The following RHOBTB1 variants were observed in gnomAD, a reference collection of about 807,000 sequenced individuals.
RHOBTB1 encodes the protein Rho related BTB domain containing 1, also known as rho-related BTB domain-containing protein 1.
RHOBTB1 carries 40 observed loss-of-function variants against 71.6 expected under a neutral mutation model. The ratio of observed to expected loss-of-function variants is 0.56; its 90% CI spans 0.43 to 0.73. The LOEUF (loss-of-function observed/expected upper bound fraction) is 0.73. RHOBTB1 is among the 30% of genes least tolerant of loss of function. The pLI is 0.00. For synonymous variants in RHOBTB1, 319 were observed against 334.9 expected (o/e 0.95, Z 0.52); for missense variants, 797 against 894.0 (o/e 0.89, Z 1.38).
At position 60,954,526 on chromosome 10, in the gene RHOBTB1, T is replaced by C. The variant is rs1589412244; in HGVS notation, c.-61-12672A>G. Among the ~76,000 whole-genome samples the C allele has an allele frequency of 3.3e-5, 5 of 152,258 alleles. No homozygotes were observed. The East Asian group carries it at 9.7e-4, about 29-fold the overall frequency. On this transcript the variant is annotated intron_variant, in intron 2 of 11. Coordinates refer to the RHOBTB1 transcript ENST00000357917. ...TTGGGTTTAGGGTTGCCAGATAAAA[T>C]AGAGGACACCCCATTACATTCAAAT...
intron 2 of RHOBTB1, among the ~76,000 whole-genome samples, chr10:60,974,999 A>C (rs1281640992): frequency 6.6e-6 from 1 of 152,074 alleles, no homozygotes; most frequent in Non-Finnish European, 1.5e-5. Flanking sequence ...TGAGAGCTGT[A>C]TGATCTTAAA....
intron 2 of RHOBTB1, among the ~76,000 whole-genome samples, chr10:60,970,035 C>T (rs72813711): frequency 0.064 from 9,657 of 152,040 alleles, 386 homozygotes; most frequent in Middle Eastern, 0.12. Flanking sequence ...TGGGTAAAAT[C>T]ATTACTCAAA....
intron 2 of RHOBTB1, among the ~76,000 whole-genome samples, chr10:60,918,027 T>C (rs192995697): frequency 7.4e-4 from 113 of 152,340 alleles, no homozygotes; most frequent in Non-Finnish European, 1.5e-3. Context: ...CATGGAATGG[T>C]AGCTTGTGAA....
chr10:60,999,949 G>T (rs1049263500), intron 1 of RHOBTB1, among the ~76,000 whole-genome samples: 4 of 152,148 alleles, frequency 2.6e-5, no homozygotes, highest in African/African-American at 9.7e-5. Context: ...AGTTTCATAG[G>T]ATGTGAACTG....
At position 60,888,195 on chromosome 10, in the gene RHOBTB1, C is replaced by T. The variant is rs756950802; in HGVS notation, c.1456+17G>A. The T allele has an allele frequency of 1.2e-6, 2 of 1,602,818 alleles. No homozygotes were observed. The highest frequency in any genetic ancestry group is 2.2e-5 in the East Asian group (1 of 44,748). On this transcript the variant is annotated intron_variant, in intron 6 of 10. Transcript: ENST00000337910. ...ACAATCAAAGGTATTAATGGCTCTG[C>T]CCCGCGGCCCACTCACCCGAGAACG...
At chr10:60,986,433 A>ATATAT (rs35572813) in intron 1 of RHOBTB1, among the ~76,000 whole-genome samples, 1 of 136,402 alleles carries the variant, frequency 7.3e-6, no homozygotes, top group African/African-American at 2.8e-5. Context: ...ATATATATAA[A>ATATAT]ATATATATAG....
intron 2 of RHOBTB1, among the ~76,000 whole-genome samples, chr10:60,957,797 A>C (rs911525058): frequency 6.6e-6 from 1 of 152,204 alleles, no homozygotes; most frequent in South Asian, 2.1e-4. Flanking sequence ...CACACTGTTC[A>C]GTGCTTTTCC....
chr10:60,948,292 A>T (rs1204967857), upstream of RHOBTB1, among the ~76,000 whole-genome samples: 1 of 152,266 alleles, frequency 6.6e-6, no homozygotes, highest in African/African-American at 2.4e-5. Context: ...ATATTGTTCA[A>T]CATTTCTATT....
intron 7 of RHOBTB1, among the ~76,000 whole-genome samples, chr10:60,879,185 T>C (rs150950312): frequency 3.9e-5 from 6 of 152,276 alleles, no homozygotes; most frequent in Admixed American, 2.6e-4. Flanking sequence ...GGGAGTATGA[T>C]GCGAAAGTGT....
At chr10:60,892,437 G>T (rs77329134) in intron 5 of RHOBTB1, among the ~76,000 whole-genome samples, 1,650 of 152,300 alleles carry the variant, frequency 0.011, 27 homozygotes, top group African/African-American at 0.038. Flanking sequence ...CTGGGGCCCA[G>T]ATACCTCTAA....
the RHOBTB1 span, among the ~76,000 whole-genome samples, chr10:60,862,111 C>G: frequency 6.6e-6 from 1 of 151,476 alleles, no homozygotes; most frequent in African/African-American, 2.4e-5. Context: ...TTCCTTCCTT[C>G]CTCTCTTTCT....
chr10:60,886,044 C>T, intron 7 of RHOBTB1, 68 bp downstream of exon 7: 1 of 1,190,990 alleles, frequency 8.4e-7, no homozygotes, highest in Admixed American at 1.7e-5. Flanking sequence ...TGTTTACCCA[C>T]TTTATATAAA....
chr10:60,880,202 T>TGAGAGAGAGA (rs71018931), intron 7 of RHOBTB1, among the ~76,000 whole-genome samples: 8 of 127,010 alleles, frequency 6.3e-5, no homozygotes, highest in Non-Finnish European at 1.3e-4. Context: ...TGTGTGTGTG[T>TGAGAGAGAGA]GAGAGAGAGA....
chr10:60,863,844 T>C, the RHOBTB1 span, among the ~76,000 whole-genome samples: 11 of 152,330 alleles, frequency 7.2e-5, no homozygotes, highest in African/African-American at 2.6e-4. Context: ...TGCATCCTTT[T>C]AAACTTGTCT....
chr10:60,925,300 T>A (rs1409348287), intron 2 of RHOBTB1, among the ~76,000 whole-genome samples: 1 of 152,184 alleles, frequency 6.6e-6, no homozygotes, highest in African/African-American at 2.4e-5. Flanking sequence ...TTTATAGCAA[T>A]GCAAGAAAAG....
intron 2 of RHOBTB1, among the ~76,000 whole-genome samples, chr10:60,924,272 C>T (rs76042637): frequency 0.013 from 2,011 of 151,352 alleles, 48 homozygotes; most frequent in African/African-American, 0.046. Context: ...TATTTGAAGA[C>T]GATTTTAAAA....
intron 2 of RHOBTB1, among the ~76,000 whole-genome samples, chr10:60,976,775 A>C (rs956992851): frequency 6.6e-6 from 1 of 152,178 alleles, no homozygotes; most frequent in African/African-American, 2.4e-5. Context: ...AATTCACATC[A>C]GAGCACTTTC....
intron 7 of RHOBTB1, among the ~76,000 whole-genome samples, chr10:60,882,536 G>A (rs2081373283): frequency 1.3e-5 from 2 of 151,992 alleles, no homozygotes; most frequent in Admixed American, 1.3e-4. Flanking sequence ...TAAAATCATT[G>A]GACATAGGCA....
chr10:60,931,272 G>A (rs943917711), intron 2 of RHOBTB1, among the ~76,000 whole-genome samples: 2 of 152,062 alleles, frequency 1.3e-5, no homozygotes, highest in African/African-American at 2.4e-5. Flanking sequence ...CCATTCCTGC[G>A]ATCTAATTCC....
Sources: gnomAD v4.1 joint callset for allele counts (sites outside exome capture counted in the v4.1 genomes callset) on GRCh38, gnomAD v4.1.1 for gene constraint, MANE v1.5 for transcripts, NCBI Gene and HGNC (gene_info 2026-07-23, HGNC 2026-07-21) for gene names.